The following SLC36A1 variants were observed in gnomAD, a reference collection of about 807,000 sequenced individuals.
The protein encoded by SLC36A1 is solute carrier family 36 member 1, also known as proton-coupled amino acid transporter 1.
A neutral mutation model predicts 47.5 loss-of-function variants in SLC36A1; 30 were observed. The ratio of observed to expected loss-of-function variants is 0.63; its 90% CI spans 0.47 to 0.86. The LOEUF (loss-of-function observed/expected upper bound fraction) is 0.86, where lower values mean the gene tolerates loss of function less well. Ranked by LOEUF, SLC36A1 falls within the 40% of genes least tolerant of loss-of-function variation. The pLI is 0.00. For missense variants in SLC36A1, 517 were observed against 606.0 expected, an observed-to-expected ratio of 0.85 and a Z score of 1.54; for synonymous variants, 255 against 249.7, an observed-to-expected ratio of 1.02 and a Z score of -0.20.
At chr5:151,409,672 T>G in the SLC36A1 span, among the ~76,000 whole-genome samples, 6 of 152,326 alleles carry the variant, frequency 3.9e-5, no homozygotes, top group Non-Finnish European at 8.8e-5. Context: ...GAATCTGCAT[T>G]GTAATAAGGC....
chr5:151,486,278 A>T (rs1759527494), intron 10 of SLC36A1, among the ~76,000 whole-genome samples: 1 of 152,164 alleles, frequency 6.6e-6, no homozygotes, highest in African/African-American at 2.4e-5. Flanking sequence ...CAAGTCATTC[A>T]TGAGGGATTT....
chr5:151,364,312 A>T, the SLC36A1 span, among the ~76,000 whole-genome samples: 3 of 152,224 alleles, frequency 2.0e-5, no homozygotes, highest in Non-Finnish European at 2.9e-5. Flanking sequence ...TATTTATTTT[A>T]AAAAATCCAT....
At chr5:151,363,236 T>C in the SLC36A1 span, among the ~76,000 whole-genome samples, 2 of 152,210 alleles carry the variant, frequency 1.3e-5, no homozygotes, top group African/African-American at 4.8e-5. Context: ...GTGGGAAGGC[T>C]GGCTAGGAGT....
the SLC36A1 span, among the ~76,000 whole-genome samples, chr5:151,431,958 C>T: frequency 6.6e-6 from 1 of 152,148 alleles, no homozygotes; most frequent in African/African-American, 2.4e-5. Context: ...CCCTCCTTGC[C>T]CAGAGTGGCA....
chr5:151,423,125 T>C, the SLC36A1 span, among the ~76,000 whole-genome samples: 1 of 152,216 alleles, frequency 6.6e-6, no homozygotes, highest in Non-Finnish European at 1.5e-5. Context: ...TCCAAAATAC[T>C]GATAATACCA....
At chr5:151,445,896 C>T (rs980094343), upstream of SLC36A1, among the ~76,000 whole-genome samples, 2 of 151,340 alleles carry the variant, frequency 1.3e-5, no homozygotes, top group African/African-American at 4.9e-5. Context: ...GCAAAGGGTA[C>T]GTCAATTTAA....
At chr5:151,373,574 A>C in the SLC36A1 span, among the ~76,000 whole-genome samples, 108 of 152,344 alleles carry the variant, frequency 7.1e-4, no homozygotes, top group African/African-American at 2.5e-3. Context: ...TTTTTTAAAA[A>C]AACAAATGAA....
chr5:151,376,658 G>GTTTCA, the SLC36A1 span, among the ~76,000 whole-genome samples: 1 of 151,724 alleles, frequency 6.6e-6, no homozygotes, highest in South Asian at 2.1e-4. Context: ...TTGAGATGGA[G>GTTTCA]TTTCACTCTT....
intron 1 of SLC36A1, among the ~76,000 whole-genome samples, chr5:151,442,240 AG>A (rs1352673347): frequency 6.6e-6 from 1 of 152,238 alleles, no homozygotes; most frequent in Non-Finnish European, 1.5e-5. Context: ...TTGTAACTAT[AG>A]TGAAGTGAAT....
chr5:151,458,230 AT>A, intron 1 of SLC36A1, among the ~76,000 whole-genome samples: 1 of 93,540 alleles, frequency 1.1e-5, no homozygotes, highest in African/African-American at 3.6e-5. Context: ...CCAGATTTCC[AT>A]CCCCCCAAGA....
the SLC36A1 span, among the ~76,000 whole-genome samples, chr5:151,362,389 CTTT>C: frequency 1.3e-4 from 14 of 108,986 alleles, no homozygotes; most frequent in Admixed American, 4.4e-4. Flanking sequence ...ATTGATTCTT[CTTT>C]TTTTTTTTTT....
the SLC36A1 span, chr5:151,554,438 G>C: frequency 1.5e-5 from 25 of 1,614,196 alleles, no homozygotes; most frequent in South Asian, 2.2e-5. Context: ...GATACTGAAG[G>C]CCTCCTCATC....
chr5:151,374,781 A>G, the SLC36A1 span, among the ~76,000 whole-genome samples: 1 of 152,164 alleles, frequency 6.6e-6, no homozygotes, highest in Non-Finnish European at 1.5e-5. Flanking sequence ...TGACTGGTGT[A>G]ACGTGATATT....
At chr5:151,360,553 G>A in the SLC36A1 span, among the ~76,000 whole-genome samples, 2 of 152,040 alleles carry the variant, frequency 1.3e-5, no homozygotes, top group Non-Finnish European at 2.9e-5. Context: ...GGAAGGGGAG[G>A]CAGGACAGGC....
the SLC36A1 span, chr5:151,544,074 G>A: frequency 3.1e-6 from 5 of 1,614,168 alleles, no homozygotes; most frequent in African/African-American, 4.0e-5. Context: ...CTTTATCCAT[G>A]GCCCTGACTT....
the SLC36A1 span, among the ~76,000 whole-genome samples, chr5:151,382,566 G>A: frequency 6.6e-6 from 1 of 152,222 alleles, no homozygotes; most frequent in Non-Finnish European, 1.5e-5. Flanking sequence ...TTGGAAAGAT[G>A]TGCTGGAGAC....
the SLC36A1 span, among the ~76,000 whole-genome samples, chr5:151,547,134 A>G: frequency 6.6e-6 from 1 of 152,354 alleles, no homozygotes. Context: ...TCTTTAAATA[A>G]AAACACCATA....
At chr5:151,360,243 A>G in the SLC36A1 span, among the ~76,000 whole-genome samples, 50 of 152,306 alleles carry the variant, frequency 3.3e-4, no homozygotes, top group African/African-American at 1.2e-3. Context: ...TCCAAAACTT[A>G]ATTACTAATG....
rs1228772051 is a variant in SLC36A1, at chr5:151,468,287, ATATATATTTTAT to A, written c.723+363_723+374del. 6.9e-4 allele frequency among the ~76,000 whole-genome samples: 70 copies of A among 102,060 alleles called. 1 individual carries two copies. Among genetic ancestry groups the A allele is most frequent in the African/African-American group, 2.6e-3 (63 of 24,312 alleles). 67.0% of individuals were successfully genotyped at this position (102,060 alleles called of 152,430 possible). ...AAAAAATATATATATATATATATAT[ATATATATTTTAT>A]ATATATATATTTACATATATGTGTA... On this transcript the variant is annotated intron_variant, in intron 7 of 10. Coordinates refer to ENST00000243389, the MANE Select transcript of SLC36A1 (RefSeq NM_078483.4).
Sources: allele counts gnomAD v4.1 joint callset (sites outside exome capture counted in the v4.1 genomes callset), GRCh38; gene constraint gnomAD v4.1.1; transcripts MANE v1.5; gene names NCBI Gene and HGNC (gene_info 2026-07-23, HGNC 2026-07-21).